Variants in PINK1 observed in about 807,000 individuals in gnomAD.
PINK1 encodes the protein PTEN induced kinase 1.
PINK1 carries 58 observed loss-of-function variants against 56.0 expected under a neutral mutation model. The ratio of observed to expected loss-of-function variants is 1.04; its 90% CI spans 0.84 to 1.29. The LOEUF (loss-of-function observed/expected upper bound fraction) is 1.29, where lower values mean the gene tolerates loss of function less well. Ranked by LOEUF, PINK1 falls within the 50% of genes most tolerant of loss-of-function variation. PINK1 has a pLI of 0.00. For synonymous variants in PINK1, 354 were observed against 339.3 expected, an observed-to-expected ratio of 1.04 and a Z score of -0.48; for missense variants, 745 against 777.9, an observed-to-expected ratio of 0.96 and a Z score of 0.50.
rs1246072395 is a variant in PINK1, at chr1:20,640,615, GGC to G, written c.776+624_776+625del. On this transcript the variant is annotated intron_variant, in intron 3 of 7. Transcript: ENST00000321556. ...TACTTGGGCAGAGGAGTAGGGAAGT[GGC>G]ATTCCCAGCAGAGGGAAGAGCAAGT... Among the ~76,000 whole-genome samples, 14 of 152,162 alleles carry G rather than the reference GGC, an allele frequency of 9.2e-5. 1 individual carries two copies. Among genetic ancestry groups the G allele is most frequent in the Admixed American group, 9.2e-4 (14 of 15,282 alleles).
intron 4 of PINK1, 106 bp from the exon 5 acceptor site, chr1:20,645,454 A>G: frequency 2.3e-6 from 3 of 1,288,398 alleles, no homozygotes; most frequent in Non-Finnish European, 3.2e-6. Flanking sequence ...GTGCTACTGC[A>G]CTCCAGCTTG....
Position 20,638,074 on chromosome 1 carries a change from G to A in PINK1, c.620G>A (p.Arg207Gln), listed in dbSNP as rs759468742. The A allele has an allele frequency of 5.3e-5, 86 of 1,613,920 alleles. No homozygotes were observed. Among genetic ancestry groups the A allele is most frequent in the Admixed American group, 3.8e-4 (23 of 60,000 alleles). ...AGTGCACCAGGAGAAGGGCAGGAGC[G>A]AGCTCCGGGGGCCCCTGCCTTCCCC... ...GTSAPGEGQE[R>Q]APGAPAFPLA... is the part of the protein sequence containing the mutation. The change falls in exon 2 of 8, where the codon CGA (arginine) becomes CAA (glutamine). Residue 207 changes from arginine to glutamine, a missense_variant. Physicochemically the swap from Arg to Gln is conservative, Grantham distance 43. Coordinates refer to ENST00000321556, the MANE Select transcript of PINK1 (RefSeq NM_032409.3).
At chr1:20,638,199 A>G in intron 2 of PINK1, 70 bp downstream of exon 2, 1 of 1,548,848 alleles carries the variant, frequency 6.5e-7, no homozygotes, top group South Asian at 1.2e-5. Context: ...CCTGGTGAGG[A>G]TTTTTTCCAG....
chr1:20,648,999 C>T lies in PINK1; in HGVS notation c.1256C>T (p.Ser419Phe), dbSNP rs771433825. Residue 419 changes from serine (S) to phenylalanine (F), a missense_variant, in exon 7 of 8, where the codon TCC becomes TTC. Transcript: ENST00000321556. Reference sequence around the variant, plus strand: ...TCACCCACTGCTTCTGAGCAGGTGTCCACGGCCCGTCCTGGCCCCAGGGCA... The same window carrying T: ...TCACCCACTGCTTCTGAGCAGGTGTTCACGGCCCGTCCTGGCCCCAGGGCA... ...GNGCLMAPEVSTARPGPRAVI... is the reference protein window; with the variant it reads ...GNGCLMAPEVFTARPGPRAVI... 20 of 1,612,894 alleles carry T rather than the reference C, an allele frequency of 1.2e-5. No individual in the cohort carries two copies. Among genetic ancestry groups the T allele is most frequent in the Non-Finnish European group, 1.7e-5 (20 of 1,180,010 alleles).
At chr1:20,646,914 T>TTG (rs1249046366) in intron 5 of PINK1, among the ~76,000 whole-genome samples, 13 of 151,984 alleles carry the variant, frequency 8.6e-5, no homozygotes, top group Admixed American at 8.5e-4. Flanking sequence ...GAATCTTGCT[T>TTG]TGTTGCCCAG....
rs749456905 is a variant in PINK1, at chr1:20,633,893, G to C, written c.345G>C (p.Gln115His). The C allele has an allele frequency of 4.4e-6, 7 of 1,584,284 alleles. No individual in the cohort carries two copies. In the African/African-American group the frequency reaches 9.4e-5, roughly 21 times the overall value. ...GLGLGLIEEK[Q>H]AESRRAVSAC... ...GGCTGGGCCTCATCGAGGAAAAACA[G>C]GCGGAGAGCCGGCGGGCGGTCTCGG... is the stretch of plus-strand genomic sequence containing the variant. The change falls in exon 1 of 8, where the codon CAG becomes CAC. Residue 115 changes from glutamine to histidine, a missense_variant. Gln to His is a conservative substitution (Grantham distance 24, BLOSUM62 0). Transcript: ENST00000321556.
intron 3 of PINK1, 45 bp from the exon 4 acceptor site, chr1:20,644,445 G>A (rs773266267): frequency 5.0e-6 from 8 of 1,589,636 alleles, no homozygotes; most frequent in African/African-American, 1.3e-5. Flanking sequence ...TCCAGGTGTT[G>A]TATCTGATGC....
At position 20,645,799 on chromosome 1, in the gene PINK1, C is replaced by A; in HGVS notation, c.1123+76C>A. 4 of 1,554,328 alleles carry A rather than the reference C, an allele frequency of 2.6e-6. No individual in the cohort carries two copies. The East Asian group carries it at 9.1e-5, about 35-fold the overall frequency. ...TCAGGAGCATTTAGGACTGACTCTT[C>A]AGGTCCTCTCTGGTTTTGTGTTCTA... On this transcript the variant is annotated intron_variant, in intron 5 of 7. Transcript: ENST00000321556.
In PINK1 at chr1:20,637,873, C is replaced by T; in HGVS notation, c.419C>T (p.Pro140Leu). The T allele has an allele frequency of 6.2e-7, 1 of 1,614,228 alleles. No homozygotes were observed. The highest frequency in any genetic ancestry group is 8.5e-7 in the Non-Finnish European group (1 of 1,180,048). ...AIFTQKSKPG[P>L]DPLDTRRLQG... ...TTTACCCAGAAAAGCAAGCCGGGGCCTGACCCGTTGGACACGAGACGCTTG... is the reference window on the plus strand; with the variant it reads ...TTTACCCAGAAAAGCAAGCCGGGGCTTGACCCGTTGGACACGAGACGCTTG... The change falls in exon 2 of 8, where the codon CCT becomes CTT. Residue 140 changes from proline to leucine, a missense_variant. Coordinates refer to ENST00000321556, the MANE Select transcript of PINK1 (RefSeq NM_032409.3).
intron 7 of PINK1, chr1:20,649,491 A>G (rs1225876256): frequency 4.1e-6 from 2 of 488,710 alleles, no homozygotes; most frequent in Non-Finnish European, 7.5e-6. Flanking sequence ...GAGGCCAGAC[A>G]CGGTGGCTTA....
chr1:20,648,619 T>C lies in PINK1; in HGVS notation c.1238T>C (p.Leu413Pro), dbSNP rs573411900. ...GTGGATCGGGGCGGAAACGGCTGTC[T>C]GATGGCCCCAGAGGTGAGTCCCGAG... is the stretch of plus-strand genomic sequence containing the variant. ...WYVDRGGNGC[L>P]MAPEVSTARP... The change falls in exon 6 of 8, where the codon CTG becomes CCG. Residue 413 changes from leucine to proline, a missense_variant. Leu to Pro is a moderately conservative substitution (Grantham distance 98). Coordinates refer to ENST00000321556, the MANE Select transcript of PINK1 (RefSeq NM_032409.3). The C allele has an allele frequency of 6.2e-7, 1 of 1,613,974 alleles. No individual in the cohort carries two copies. Among genetic ancestry groups the C allele is most frequent in the South Asian group, 1.1e-5 (1 of 91,080 alleles).
intron 7 of PINK1, chr1:20,650,022 CAG>C (rs1464109667): frequency 3.5e-5 from 11 of 315,328 alleles, no homozygotes; most frequent in Non-Finnish European, 6.9e-5. Flanking sequence ...ACCTGCACCC[CAG>C]CACTGTTCTG....
chr1:20,634,575 T>C (rs148036136), intron 1 of PINK1, among the ~76,000 whole-genome samples: 31 of 152,304 alleles, frequency 2.0e-4, no homozygotes, highest in African/African-American at 7.0e-4. Flanking sequence ...GTATTAGGGT[T>C]CTCCAAATGG....
At chr1:20,646,590 G>A (rs1047141906) in intron 5 of PINK1, among the ~76,000 whole-genome samples, 7 of 152,092 alleles carry the variant, frequency 4.6e-5, no homozygotes, top group African/African-American at 1.7e-4. Context: ...GTTGTAGTGA[G>A]CCGAGATTGT....
intron 1 of PINK1, among the ~76,000 whole-genome samples, chr1:20,634,272 T>C (rs2053032013): frequency 6.6e-6 from 1 of 152,100 alleles, no homozygotes; most frequent in African/African-American, 2.4e-5. Flanking sequence ...GTAGTTGCCG[T>C]CCCTAATTTA....
At chr1:20,638,321 C>A in intron 2 of PINK1, 192 bp downstream of exon 2, 1 of 680,774 alleles carries the variant, frequency 1.5e-6, no homozygotes, top group Admixed American at 2.9e-5. Flanking sequence ...GTATTCTGCC[C>A]ACAGATCACC....
chr1:20,636,791 G>A (rs2053060809), intron 1 of PINK1, among the ~76,000 whole-genome samples: 1 of 152,180 alleles, frequency 6.6e-6, no homozygotes, highest in South Asian at 2.1e-4. Flanking sequence ...CTTGAGTTGG[G>A]CTTGATGGCT....
intron 5 of PINK1, 49 bp downstream of exon 5, chr1:20,645,772 G>A: frequency 1.2e-6 from 2 of 1,611,444 alleles, no homozygotes; most frequent in East Asian, 4.5e-5. Context: ...CTAGAGGGTG[G>A]GTCAGGAGCA....
At chr1:20,637,733 TG>T in intron 1 of PINK1, 108 bp from the exon 2 acceptor site, 1 of 1,293,742 alleles carries the variant, frequency 7.7e-7, no homozygotes, top group Non-Finnish European at 1.1e-6. Context: ...TTTATTGATC[TG>T]GTCGACGTGG....
Sources: allele counts gnomAD v4.1 joint callset (sites outside exome capture counted in the v4.1 genomes callset), GRCh38; gene constraint gnomAD v4.1.1; transcripts MANE v1.5; gene names NCBI Gene and HGNC (gene_info 2026-07-23, HGNC 2026-07-21).